PPARGC1A: variants seen among roughly 807,000 people sequenced by gnomAD.
The protein encoded by PPARGC1A is PPARG coactivator 1 alpha, also known as peroxisome proliferator-activated receptor gamma coactivator 1-alpha.
A neutral mutation model predicts 88.7 loss-of-function variants in PPARGC1A; 25 were observed. The observed-to-expected ratio is 0.28, with a 90% CI of 0.21 to 0.39. The LOEUF (loss-of-function observed/expected upper bound fraction) is 0.39. Ranked by LOEUF, PPARGC1A falls within the 10% of genes least tolerant of loss-of-function variation. The pLI, the probability that PPARGC1A is intolerant of heterozygous loss-of-function variation, is 1.00. For missense variants in PPARGC1A, 880 were observed against 968.7 expected, an observed-to-expected ratio of 0.91 and a Z score of 1.22; for synonymous variants, 363 against 355.6, an observed-to-expected ratio of 1.02 and a Z score of -0.24.
chr4:24,169,704 T>C, the PPARGC1A span, among the ~76,000 whole-genome samples: 1 of 152,110 alleles, frequency 6.6e-6, no homozygotes, highest in Non-Finnish European at 1.5e-5. Flanking sequence ...ACCCTGTCTC[T>C]ACTAAAAATA....
chr4:24,227,244 CCAGCT>C, the PPARGC1A span, among the ~76,000 whole-genome samples: 36 of 152,186 alleles, frequency 2.4e-4, no homozygotes, highest in Middle Eastern at 0.01. Context: ...GCCGCCATGC[CCAGCT>C]AATGTTTTTG....
At chr4:23,897,707 A>T (rs915232406) in intron 1 of PPARGC1A, among the ~76,000 whole-genome samples, 1 of 152,174 alleles carries the variant, frequency 6.6e-6, no homozygotes, top group African/African-American at 2.4e-5. Flanking sequence ...ATATTTAACC[A>T]CTCAACGATT....
chr4:24,437,037 T>C, the PPARGC1A span, among the ~76,000 whole-genome samples: 2 of 152,240 alleles, frequency 1.3e-5, no homozygotes, highest in Admixed American at 6.5e-5. Context: ...ATCGTGTTTG[T>C]TCCTCCCCAT....
At chr4:23,986,491 T>C in the PPARGC1A span, among the ~76,000 whole-genome samples, 1 of 152,122 alleles carries the variant, frequency 6.6e-6, no homozygotes, top group East Asian at 1.9e-4. Context: ...GTCAGCACTC[T>C]GAGACTTCTC....
chr4:23,848,039 C>T (rs888095543), intron 2 of PPARGC1A, among the ~76,000 whole-genome samples: 2 of 152,094 alleles, frequency 1.3e-5, no homozygotes, highest in African/African-American at 4.8e-5. Flanking sequence ...AAATTGTCTT[C>T]CCTGGGCCTT....
the PPARGC1A span, among the ~76,000 whole-genome samples, chr4:24,100,405 T>G: frequency 0.024 from 3,631 of 152,212 alleles, 146 homozygotes; most frequent in African/African-American, 0.077. Context: ...GGGATCTCAT[T>G]TTTCAAAATT....
At chr4:24,049,140 A>ATG in the PPARGC1A span, among the ~76,000 whole-genome samples, 1 of 149,646 alleles carries the variant, frequency 6.7e-6, no homozygotes, top group Non-Finnish European at 1.5e-5. Context: ...GTGTGTGCGT[A>ATG]TGTGTGTGTG....
the PPARGC1A span, among the ~76,000 whole-genome samples, chr4:24,376,609 T>G: frequency 4.6e-5 from 7 of 152,350 alleles, no homozygotes; most frequent in South Asian, 6.2e-4. Flanking sequence ...TCCGTTGTCA[T>G]GTCAGGATAA....
the PPARGC1A span, among the ~76,000 whole-genome samples, chr4:24,456,336 G>C: frequency 6.6e-6 from 1 of 152,122 alleles, no homozygotes; most frequent in Non-Finnish European, 1.5e-5. Context: ...AGAGGTTGAG[G>C]GAATTCACAT....
At chr4:23,856,741 C>G (rs1730252264) in intron 2 of PPARGC1A, among the ~76,000 whole-genome samples, 1 of 151,936 alleles carries the variant, frequency 6.6e-6, no homozygotes, top group African/African-American at 2.4e-5. Flanking sequence ...TGGAATTTAC[C>G]TTTGATTAAA....
chr4:24,185,440 C>G, the PPARGC1A span, among the ~76,000 whole-genome samples: 1 of 152,126 alleles, frequency 6.6e-6, no homozygotes. Flanking sequence ...CTCCAGTACC[C>G]TAGAAATGCT....
chr4:24,416,059 G>A, the PPARGC1A span, among the ~76,000 whole-genome samples: 51 of 152,274 alleles, frequency 3.3e-4, 1 homozygote, highest in Admixed American at 1.4e-3. Context: ...AGGCTTCATG[G>A]AAGAGGTGGT....
At chr4:24,212,656 C>T in the PPARGC1A span, among the ~76,000 whole-genome samples, 1 of 152,308 alleles carries the variant, frequency 6.6e-6, no homozygotes, top group African/African-American at 2.4e-5. Flanking sequence ...TGTTGGGGAT[C>T]CTGGAGCCAA....
chr4:24,297,031 G>C, the PPARGC1A span, among the ~76,000 whole-genome samples: 6 of 152,134 alleles, frequency 3.9e-5, no homozygotes, highest in Admixed American at 3.9e-4. Flanking sequence ...CAAGGGACTT[G>C]AGTGTTGTCA....
the PPARGC1A span, among the ~76,000 whole-genome samples, chr4:24,281,060 A>G: frequency 1.3e-5 from 2 of 152,202 alleles, no homozygotes; most frequent in Non-Finnish European, 2.9e-5. Flanking sequence ...CAAAGGATAC[A>G]TCTATCCCAT....
At chr4:24,025,533 ACT>A in the PPARGC1A span, among the ~76,000 whole-genome samples, 34 of 151,456 alleles carry the variant, frequency 2.2e-4, no homozygotes, top group South Asian at 1.0e-3. Context: ...ACCCCCTTTG[ACT>A]CTCTCTTATT....
the PPARGC1A span, among the ~76,000 whole-genome samples, chr4:24,032,602 C>T: frequency 5.9e-5 from 9 of 152,284 alleles, no homozygotes; most frequent in South Asian, 4.1e-4. Context: ...ATGGAGTTGA[C>T]GAGGTTCATC....
the PPARGC1A span, among the ~76,000 whole-genome samples, chr4:24,075,534 G>C: frequency 3.3e-5 from 5 of 152,140 alleles, no homozygotes; most frequent in Non-Finnish European, 4.4e-5. Context: ...TGGTTTGGCT[G>C]TGTCCCCACC....
chr4:23,943,125 A>G, the PPARGC1A span, among the ~76,000 whole-genome samples: 1 of 152,274 alleles, frequency 6.6e-6, no homozygotes, highest in Admixed American at 6.5e-5. Context: ...CCACTGAATT[A>G]ACTTTAGTCA....
Sources: allele counts gnomAD v4.1 joint callset (sites outside exome capture counted in the v4.1 genomes callset), GRCh38; gene constraint gnomAD v4.1.1; transcripts MANE v1.5; gene names NCBI Gene and HGNC (gene_info 2026-07-23, HGNC 2026-07-21).